The following RHOH variants were observed in gnomAD, a reference collection of about 807,000 sequenced individuals.
The protein encoded by RHOH is ras homolog family member H.
RHOH carries 6 observed loss-of-function variants against 13.8 expected under a neutral mutation model. The observed-to-expected ratio is 0.44, with a 90% CI of 0.24 to 0.86. The LOEUF (loss-of-function observed/expected upper bound fraction) is 0.86, where lower values mean the gene tolerates loss of function less well. Ranked by LOEUF, RHOH falls within the 40% of genes least tolerant of loss-of-function variation. RHOH has a pLI of 0.24. For missense variants in RHOH, 147 were observed against 244.5 expected, an observed-to-expected ratio of 0.60 and a Z score of 2.66; for synonymous variants, 117 against 103.0, an observed-to-expected ratio of 1.14 and a Z score of -0.82.
chr4:40,235,931 G>A (rs1040341628), intron 1 of RHOH, among the ~76,000 whole-genome samples: 8 of 151,406 alleles, frequency 5.3e-5, no homozygotes, highest in African/African-American at 1.9e-4. Flanking sequence ...GCAGTGAGCT[G>A]TGATTGTGCC....
At chr4:40,198,497 C>T (rs932110147) in intron 1 of RHOH, among the ~76,000 whole-genome samples, 10 of 152,214 alleles carry the variant, frequency 6.6e-5, no homozygotes, top group Admixed American at 2.6e-4. Flanking sequence ...TGCGCTTCCT[C>T]GGCTCTCACG....
intron 1 of RHOH, among the ~76,000 whole-genome samples, chr4:40,203,214 C>T (rs999249123): frequency 1.4e-4 from 21 of 152,138 alleles, no homozygotes; most frequent in Non-Finnish European, 1.9e-4. Flanking sequence ...CCTCGTGATC[C>T]GCCCGCCTCG....
intron 1 of RHOH, among the ~76,000 whole-genome samples, chr4:40,197,896 T>G (rs1723415870): frequency 6.6e-6 from 1 of 152,186 alleles, no homozygotes; most frequent in Admixed American, 6.5e-5. Context: ...TAGCCTGAGT[T>G]GTAACTAAAC....
chr4:40,244,114 C>A lies in RHOH; in HGVS notation c.*152C>A. On this transcript the variant is annotated 3_prime_UTR_variant, in exon 3 of 3. Transcript: ENST00000381799. ...TACAGTTATTGATGAGGCTTGGCCACTGGATGTTTTCACTAACTACACTCT... is the reference window on the plus strand; with the variant it reads ...TACAGTTATTGATGAGGCTTGGCCAATGGATGTTTTCACTAACTACACTCT... The A allele has an allele frequency of 4.8e-6, 3 of 626,752 alleles. No individual in the cohort carries two copies. Among genetic ancestry groups the A allele is most frequent in the Middle Eastern group, 6.5e-4 (2 of 3,072 alleles). 38.8% of individuals were successfully genotyped at this position (626,752 alleles called of 1,614,324 possible). A position where few individuals can be genotyped will look rare whatever the true frequency, so the allele number is the denominator to read the frequency against.
intron 1 of RHOH, among the ~76,000 whole-genome samples, chr4:40,226,082 C>T (rs1727194746): frequency 1.3e-5 from 2 of 152,248 alleles, no homozygotes; most frequent in South Asian, 2.1e-4. Context: ...CTGCTAAGGG[C>T]CAGGCATTCA....
chr4:40,198,214 T>TG (rs1723477068), intron 1 of RHOH, among the ~76,000 whole-genome samples: 1 of 152,162 alleles, frequency 6.6e-6, no homozygotes, highest in Non-Finnish European at 1.5e-5. Context: ...CAGGAAGATC[T>TG]GGGCTTTGGA....
chr4:40,198,498 G>A (rs759784564), intron 1 of RHOH, among the ~76,000 whole-genome samples: 2 of 152,200 alleles, frequency 1.3e-5, no homozygotes, highest in African/African-American at 2.4e-5. Flanking sequence ...GCGCTTCCTC[G>A]GCTCTCACGG....
chr4:40,201,943 GA>G, intron 1 of RHOH, among the ~76,000 whole-genome samples: 1 of 141,920 alleles, frequency 7.0e-6, no homozygotes, highest in South Asian at 2.3e-4. Context: ...TTAACTCCAT[GA>G]GTTTTTTTTT....
At chr4:40,212,200 G>A (rs1657179228) in intron 1 of RHOH, among the ~76,000 whole-genome samples, 2 of 152,256 alleles carry the variant, frequency 1.3e-5, no homozygotes, top group Non-Finnish European at 2.9e-5. Flanking sequence ...TAACATCTTC[G>A]TTATGATCAA....
At chr4:40,202,292 A>C (rs1370555223) in intron 1 of RHOH, among the ~76,000 whole-genome samples, 2 of 152,186 alleles carry the variant, frequency 1.3e-5, no homozygotes, top group African/African-American at 4.8e-5. Context: ...GATGGTTATG[A>C]AAATATGTTT....
chr4:40,237,066 G>A (rs748740510), intron 1 of RHOH, among the ~76,000 whole-genome samples: 11 of 152,210 alleles, frequency 7.2e-5, no homozygotes, highest in Admixed American at 3.9e-4. Context: ...GTGAAAACTA[G>A]TAAGGTTTTG....
At chr4:40,212,850 C>T (rs998152985) in intron 1 of RHOH, 1 of 152,186 alleles carries the variant, frequency 6.6e-6, no homozygotes, top group South Asian at 2.1e-4. Flanking sequence ...GGCTGAAACC[C>T]CCAGGGTCAG....
chr4:40,243,292 C>A lies in RHOH; in HGVS notation c.-95C>A. Reference sequence around the variant, plus strand: ...TGAGGACACAGACCTACCTGGCTTGCATTCCCCTTGCTGAATGGCGTGTGC... The same window carrying A: ...TGAGGACACAGACCTACCTGGCTTGAATTCCCCTTGCTGAATGGCGTGTGC... On this transcript the variant is annotated 5_prime_UTR_variant, in exon 3 of 3. Transcript: ENST00000381799. The surrounding 1 kb of genome is among the most constrained non-coding windows in gnomAD (Gnocchi z 6.2). The A allele has an allele frequency of 1.8e-6, 2 of 1,118,982 alleles. No homozygotes were observed. Among genetic ancestry groups the A allele is most frequent in the Non-Finnish European group, 2.6e-6 (2 of 781,824 alleles). The allele number at this position is 1,118,982 out of a possible 1,614,324, so 69.3% of individuals were successfully genotyped here.
At chr4:40,213,972 C>G (rs1725589476) in intron 1 of RHOH, among the ~76,000 whole-genome samples, 1 of 152,084 alleles carries the variant, frequency 6.6e-6, no homozygotes, top group African/African-American at 2.4e-5. Context: ...GGCCAGACTG[C>G]TCTCAAACTC....
intron 1 of RHOH, among the ~76,000 whole-genome samples, chr4:40,230,099 C>G (rs565977527): frequency 6.6e-6 from 1 of 152,060 alleles, no homozygotes; most frequent in Non-Finnish European, 1.5e-5. Context: ...GGCTGGAGTG[C>G]AGTGGCACGA....
intron 1 of RHOH, among the ~76,000 whole-genome samples, chr4:40,229,420 G>T (rs756463199): frequency 1.7e-4 from 26 of 152,194 alleles, no homozygotes; most frequent in Non-Finnish European, 3.2e-4. Flanking sequence ...TGGATCACCT[G>T]AGGTCGGGAG....
At chr4:40,224,291 C>T (rs1250984649) in intron 1 of RHOH, among the ~76,000 whole-genome samples, 2 of 152,320 alleles carry the variant, frequency 1.3e-5, no homozygotes, top group African/African-American at 2.4e-5. Context: ...TTAACCCCTG[C>T]GTCTTAATGG....
chr4:40,199,531 C>T (rs755826133), intron 1 of RHOH, among the ~76,000 whole-genome samples: 3 of 152,190 alleles, frequency 2.0e-5, no homozygotes, highest in Non-Finnish European at 4.4e-5. Context: ...AACAGTTTCT[C>T]TAGCTTATGA....
intron 1 of RHOH, among the ~76,000 whole-genome samples, chr4:40,235,983 AAG>A (rs1225801711): frequency 2.0e-5 from 2 of 101,062 alleles, no homozygotes; most frequent in African/African-American, 7.7e-5. Context: ...GCCTGTCTTA[AAG>A]AAAAAAAAAA....
Sources: gnomAD v4.1 joint callset for allele counts (sites outside exome capture counted in the v4.1 genomes callset) on GRCh38, gnomAD v4.1.1 for gene constraint, Gnocchi (gnomAD v3.1) non-coding constraint, MANE v1.5 for transcripts, NCBI Gene and HGNC (gene_info 2026-07-23, HGNC 2026-07-21) for gene names.